The following ADAMTS9 variants were observed in gnomAD, a reference collection of about 807,000 sequenced individuals.
ADAMTS9 encodes the protein ADAM metallopeptidase with thrombospondin type 1 motif 9, also known as A disintegrin and metalloproteinase with thrombospondin motifs 9.
ADAMTS9 carries 107 observed loss-of-function variants against 257.1 expected under a neutral mutation model. The observed-to-expected ratio is 0.42, with a 90% CI of 0.36 to 0.49. ADAMTS9 has a LOEUF of 0.49. Ranked by LOEUF, ADAMTS9 falls within the 20% of genes least tolerant of loss-of-function variation. The pLI is 0.03. For missense variants in ADAMTS9, 2,353 were observed against 2,469.1 expected, an observed-to-expected ratio of 0.95 and a Z score of 1.00; for synonymous variants, 982 against 880.9, an observed-to-expected ratio of 1.11 and a Z score of -2.03.
chr3:64,650,884 T>TTTTG, intron 9 of ADAMTS9, 133 bp downstream of exon 9: 1 of 708,526 alleles, frequency 1.4e-6, no homozygotes, highest in Non-Finnish European at 2.1e-6. Context: ...TTTTTTTTTT[T>TTTTG]GCCTTCTCCA....
In ADAMTS9 at chr3:64,539,282, T is replaced by G; in HGVS notation, c.5534A>C (p.Gln1845Pro). 6.2e-7 allele frequency: 1 copy of G among 1,613,864 alleles called. No homozygotes were observed. The highest frequency in any genetic ancestry group is 8.5e-7 in the Non-Finnish European group (1 of 1,179,882). ...ATGTCCTTCGCTTGTCCTTGCAAAC[T>G]GTAAGTCAGTGGCTGTGGGGTGGAG... ...TSMQIITTDL[Q>P]FARTSEGHPV... Residue 1845 changes from glutamine to proline, a missense_variant, in exon 37 of 40, where the codon CAG (glutamine) becomes CCG (proline). This residue lies in a region of ADAMTS9 where 1,402 missense variants were observed against 1,441.4 expected (regional missense o/e 0.97). Transcript: ENST00000498707.
chr3:64,605,754 T>C (rs1225262644), intron 23 of ADAMTS9, among the ~76,000 whole-genome samples: 1 of 152,214 alleles, frequency 6.6e-6, no homozygotes, highest in East Asian at 1.9e-4. Context: ...TGTGTGTGTG[T>C]TTATAGATAT....
At chr3:64,646,835 C>T (rs372816714) in intron 11 of ADAMTS9, among the ~76,000 whole-genome samples, 1 of 152,092 alleles carries the variant, frequency 6.6e-6, no homozygotes, top group Admixed American at 6.5e-5. Flanking sequence ...TCAGACAAAG[C>T]AGTAGAGGAA....
At chr3:64,611,358 C>T (rs558385328) in intron 22 of ADAMTS9, among the ~76,000 whole-genome samples, 204 of 152,164 alleles carry the variant, frequency 1.3e-3, no homozygotes, top group African/African-American at 4.7e-3. Context: ...GAAAACACTG[C>T]GGTATGTGAA....
In ADAMTS9 at chr3:64,686,598, G is replaced by C. The variant is rs750227777; in HGVS notation, c.486C>G (p.His162Gln). 1.9e-5 allele frequency: 31 copies of C among 1,612,834 alleles called. No homozygotes were observed. The highest frequency in any genetic ancestry group is 2.6e-5 in the Non-Finnish European group (31 of 1,179,592). The part of the protein sequence containing the change: ...YKGYVNTNSE[H>Q]TAVISLCSGM... ...CTGAGCAGAGGCTGATGACGGCCGTGTGCTCGGAGTTGGTATTGACATAGC... is the reference window on the plus strand; with the variant it reads ...CTGAGCAGAGGCTGATGACGGCCGTCTGCTCGGAGTTGGTATTGACATAGC... Residue 162 changes from histidine (H) to glutamine (Q), a missense_variant, in exon 2 of 40, where the codon CAC becomes CAG. By Grantham distance (24) the His-to-Gln change is conservative. This residue lies in a region of ADAMTS9 where 591 missense variants were observed against 569.6 expected (regional missense o/e 1.04). Transcript: ENST00000498707. This position sits in a 1 kb window ranked among gnomAD's most constrained non-coding sequence, Gnocchi z 4.6.
chr3:64,627,418 A>G (rs1700251837), intron 16 of ADAMTS9, among the ~76,000 whole-genome samples: 1 of 152,188 alleles, frequency 6.6e-6, no homozygotes, highest in Admixed American at 6.5e-5. Context: ...CTTGCACTGC[A>G]TCGATTCCCA....
At chr3:64,558,675 T>C (rs1443814658) in intron 30 of ADAMTS9, among the ~76,000 whole-genome samples, 1 of 152,158 alleles carries the variant, frequency 6.6e-6, no homozygotes, top group Non-Finnish European at 1.5e-5. Context: ...GGACCAAGCA[T>C]GCAATACACC....
rs963631858 is a variant in ADAMTS9, at chr3:64,658,600, A to G, written c.871T>C (p.Tyr291His). The G allele has an allele frequency of 5.0e-6, 8 of 1,613,950 alleles. No individual in the cohort carries two copies. In the African/African-American group the frequency reaches 8.0e-5, roughly 16 times the overall value. ...ACCAAGACTTCTACAAACCGTGGAT[A>G]GGATAAAAAACGTTTTGTCCTTCTG... ...THRRTKRFLSYPRFVEVLVVA... is the reference protein window; with the variant it reads ...THRRTKRFLSHPRFVEVLVVA... Residue 291 changes from tyrosine (Y) to histidine (H), a missense_variant, in exon 4 of 40, where the codon TAT (tyrosine) becomes CAT (histidine). By Grantham distance (83) the Tyr-to-His change is moderately conservative. This residue lies in a region of ADAMTS9 where 591 missense variants were observed against 569.6 expected (regional missense o/e 1.04). Transcript: ENST00000498707.
intron 30 of ADAMTS9, among the ~76,000 whole-genome samples, chr3:64,553,829 G>C (rs2083298862): frequency 6.6e-6 from 1 of 152,104 alleles, no homozygotes; most frequent in Non-Finnish European, 1.5e-5. Flanking sequence ...CAGGAGGCCG[G>C]CTGAGCCCAG....
intron 36 of ADAMTS9, 31 bp downstream of exon 36, chr3:64,541,064 C>T (rs1443804986): frequency 6.2e-7 from 1 of 1,612,086 alleles, no homozygotes; most frequent in South Asian, 1.1e-5. Flanking sequence ...GAAGAACGCA[C>T]ACGTTCCCAA....
intron 30 of ADAMTS9, among the ~76,000 whole-genome samples, chr3:64,551,311 G>A (rs1193536994): frequency 2.0e-5 from 3 of 152,060 alleles, no homozygotes; most frequent in East Asian, 1.9e-4. Flanking sequence ...CCGGGTTCAC[G>A]CCGTTTTCCT....
At chr3:64,542,918 A>T (rs941574995) in intron 32 of ADAMTS9, among the ~76,000 whole-genome samples, 3 of 152,018 alleles carry the variant, frequency 2.0e-5, no homozygotes, top group Non-Finnish European at 4.4e-5. Flanking sequence ...ACACAATAAA[A>T]AATGATAAAG....
At chr3:64,579,804 CTT>C (rs1485644517) in intron 28 of ADAMTS9, among the ~76,000 whole-genome samples, 6 of 152,170 alleles carry the variant, frequency 3.9e-5, no homozygotes, top group Non-Finnish European at 7.3e-5. Context: ...TCTCCTGTCT[CTT>C]ATATCCATTC....
At chr3:64,658,862 A>G in intron 3 of ADAMTS9, 71 bp from the exon 4 acceptor site, 4 of 1,475,564 alleles carry the variant, frequency 2.7e-6, no homozygotes, top group East Asian at 2.3e-5. Flanking sequence ...TTAATTTGAC[A>G]CATTTTAAAT....
At chr3:64,522,908 G>C (rs1305599375) in intron 38 of ADAMTS9, among the ~76,000 whole-genome samples, 2 of 151,990 alleles carry the variant, frequency 1.3e-5, no homozygotes, top group East Asian at 3.9e-4. Context: ...TGATTATTAT[G>C]AAATGACACT....
intron 38 of ADAMTS9, among the ~76,000 whole-genome samples, chr3:64,532,456 C>A (rs2082993899): frequency 6.6e-6 from 1 of 152,126 alleles, no homozygotes; most frequent in Non-Finnish European, 1.5e-5. Context: ...TGCTTTTGAA[C>A]CATGGTGAAG....
rs536987506 is a variant in ADAMTS9 at position 64,651,203 on chromosome 3, C to T, written c.1317-40G>A. ...ACAATGATGAGAATGTCAATAAACA[C>T]CAAGGGATCATGCTGTTCTAATTGC... is the stretch of plus-strand genomic sequence containing the variant. On this transcript the variant is annotated intron_variant, in intron 8 of 39. Transcript: ENST00000498707. The T allele has an allele frequency of 1.3e-5, 20 of 1,524,694 alleles. 1 individual carries two copies. In the South Asian group the frequency reaches 1.8e-4, roughly 14 times the overall value. The allele number at this position is 1,524,694 out of a possible 1,614,324, so 94.4% of individuals were successfully genotyped here.
At chr3:64,534,390 T>C (rs566345292) in intron 37 of ADAMTS9, among the ~76,000 whole-genome samples, 1 of 152,206 alleles carries the variant, frequency 6.6e-6, no homozygotes, top group African/African-American at 2.4e-5. Flanking sequence ...AAAAAGATGG[T>C]ATCTGTCTTA....
chr3:64,631,271 A>G (rs1260780265), intron 16 of ADAMTS9, among the ~76,000 whole-genome samples, 184 bp downstream of exon 16: 1 of 152,216 alleles, frequency 6.6e-6, no homozygotes, highest in Non-Finnish European at 1.5e-5. Flanking sequence ...CAACTTTTCA[A>G]TCAATACTCT....
Sources: gnomAD v4.1 joint callset for allele counts (sites outside exome capture counted in the v4.1 genomes callset) on GRCh38, gnomAD v4.1.1 for gene constraint, gnomAD v4.1.1 regional missense constraint, Gnocchi (gnomAD v3.1) non-coding constraint, MANE v1.5 for transcripts, NCBI Gene and HGNC (gene_info 2026-07-23, HGNC 2026-07-21) for gene names.